PRKCB: variants seen among roughly 807,000 people sequenced by gnomAD.
PRKCB encodes the protein protein kinase C beta type.
A neutral mutation model predicts 81.5 loss-of-function variants in PRKCB; 13 were observed. The ratio of observed to expected loss-of-function variants is 0.16; its 90% confidence interval spans 0.10 to 0.25. PRKCB has a LOEUF of 0.25. PRKCB is among the 10% of genes least tolerant of loss of function. The probability of loss-of-function intolerance (pLI) is 1.00; values close to 1 mark genes in which losing one functional copy is unlikely to be tolerated. For synonymous variants in PRKCB, 335 were observed against 321.4 expected (o/e 1.04, Z -0.45); for missense variants, 509 against 875.7 (o/e 0.58, Z 5.29).
At chr16:24,141,536 C>T (rs1269350218) in intron 9 of PRKCB, among the ~76,000 whole-genome samples, 1 of 152,168 alleles carries the variant, frequency 6.6e-6, no homozygotes, top group Non-Finnish European at 1.5e-5. Context: ...CCATTCCAGG[C>T]CTCTGGTTAT....
intron 5 of PRKCB, among the ~76,000 whole-genome samples, chr16:24,080,218 G>A (rs1315611199): frequency 6.6e-6 from 1 of 152,132 alleles, no homozygotes; most frequent in Non-Finnish European, 1.5e-5. Flanking sequence ...AATCATATGA[G>A]CAGCTGCTGT....
chr16:24,057,229 C>A (rs1195207717), intron 5 of PRKCB, among the ~76,000 whole-genome samples: 1 of 152,136 alleles, frequency 6.6e-6, no homozygotes, highest in African/African-American at 2.4e-5. Context: ...TTCTTTGGTC[C>A]CATTAGATCC....
At chr16:24,094,809 G>GAGGGAGGAAGGAAGGAAGGA (rs749385454) in intron 7 of PRKCB, among the ~76,000 whole-genome samples, 1 of 116,648 alleles carries the variant, frequency 8.6e-6, no homozygotes, top group African/African-American at 3.3e-5. Flanking sequence ...GGAAGGGAGG[G>GAGGGAGGAAGGAAGGAAGGA]AGGAAGGAAG....
intron 2 of PRKCB, among the ~76,000 whole-genome samples, chr16:23,981,417 T>A (rs1410631757): frequency 2.0e-5 from 3 of 151,886 alleles, no homozygotes; most frequent in Non-Finnish European, 2.9e-5. Context: ...CTTAATTTAA[T>A]CACATCTGCA....
intron 4 of PRKCB, among the ~76,000 whole-genome samples, chr16:24,034,876 C>T (rs1219119129): frequency 6.6e-6 from 1 of 152,224 alleles, no homozygotes; most frequent in African/African-American, 2.4e-5. Context: ...AACTTCTCCC[C>T]ACAAGAGCAC....
At chr16:24,067,139 A>G (rs1596534811) in intron 5 of PRKCB, among the ~76,000 whole-genome samples, 1 of 152,180 alleles carries the variant, frequency 6.6e-6, no homozygotes, top group African/African-American at 2.4e-5. Flanking sequence ...GGTGTGAGCC[A>G]CTGTACCCAG....
At chr16:24,052,661 G>A (rs1965857611) in intron 5 of PRKCB, among the ~76,000 whole-genome samples, 1 of 152,298 alleles carries the variant, frequency 6.6e-6, no homozygotes, top group Admixed American at 6.5e-5. Context: ...AAACTGTCAT[G>A]GCGCTGCTGG....
intron 2 of PRKCB, among the ~76,000 whole-genome samples, chr16:23,903,594 C>A (rs1004186): frequency 0.96 from 146,720 of 152,280 alleles, 70,719 homozygotes; most frequent in East Asian, 1. Context: ...TATTAAAATA[C>A]GCTTTTAACT....
intron 2 of PRKCB, among the ~76,000 whole-genome samples, chr16:23,935,949 C>T (rs971968977): frequency 5.3e-5 from 8 of 152,160 alleles, no homozygotes; most frequent in Non-Finnish European, 1.0e-4. Context: ...ATCTGTACAC[C>T]AAACCTCAGC....
At chr16:23,869,252 A>C in intron 2 of PRKCB, 1 of 361,916 alleles carries the variant, frequency 2.8e-6, no homozygotes. Context: ...CTCTGCCACA[A>C]GACCAAGAAA....
chr16:24,051,778 A>C (rs1257985628), intron 5 of PRKCB, among the ~76,000 whole-genome samples: 1 of 152,148 alleles, frequency 6.6e-6, no homozygotes, highest in Non-Finnish European at 1.5e-5. Flanking sequence ...GCTACTCAGG[A>C]GACTGAGGAA....
intron 7 of PRKCB, among the ~76,000 whole-genome samples, chr16:24,094,737 C>G (rs1966417732): frequency 6.7e-6 from 1 of 149,530 alleles, no homozygotes; most frequent in Admixed American, 6.7e-5. Context: ...GATTGAGCCA[C>G]TGCACTCCAG....
intron 4 of PRKCB, among the ~76,000 whole-genome samples, chr16:24,033,758 AAAG>A (rs944374107): frequency 1.1e-4 from 16 of 152,162 alleles, no homozygotes; most frequent in East Asian, 7.7e-4. Context: ...TGAGACTCTC[AAAG>A]AAGAAGAAGA....
At chr16:24,206,531 C>G (rs1275336879) in intron 16 of PRKCB, among the ~76,000 whole-genome samples, 2 of 152,178 alleles carry the variant, frequency 1.3e-5, no homozygotes, top group African/African-American at 4.8e-5. Flanking sequence ...GGAGCCTTAT[C>G]CTCTCCTCCA....
At chr16:23,856,889 G>A (rs1050051834) in intron 2 of PRKCB, among the ~76,000 whole-genome samples, 3 of 152,106 alleles carry the variant, frequency 2.0e-5, no homozygotes, top group African/African-American at 7.2e-5. Flanking sequence ...AATGTAAAAT[G>A]TGTCTCTTAC....
chr16:24,015,599 C>T (rs776484791), intron 3 of PRKCB, among the ~76,000 whole-genome samples: 5 of 152,220 alleles, frequency 3.3e-5, no homozygotes, highest in Non-Finnish European at 7.3e-5. Context: ...AGGTGGCCAT[C>T]GCCTGGTTAC....
chr16:23,964,063 C>T lies in PRKCB; in HGVS notation c.206-24445C>T, dbSNP rs147228270. Among the ~76,000 whole-genome samples, 22 of 152,234 alleles carry T rather than the reference C, an allele frequency of 1.4e-4. No individual in the cohort carries two copies. In the East Asian group the frequency reaches 3.5e-3, roughly 24 times the overall value. On this transcript the variant is annotated intron_variant, in intron 2 of 16. Coordinates refer to ENST00000643927, the MANE Select transcript of PRKCB (RefSeq NM_002738.7). ...GAGGTATGAAGCATCTATAACCCCA[C>T]GGTCCAATAGGGTAGCCACTAGCCA...
chr16:24,146,534 G>A (rs1966993151), intron 9 of PRKCB, among the ~76,000 whole-genome samples: 1 of 152,138 alleles, frequency 6.6e-6, no homozygotes, highest in Admixed American at 6.5e-5. Flanking sequence ...CACGTACCAG[G>A]TTTTCTAACT....
chr16:23,880,121 A>G (rs1376356597), intron 2 of PRKCB, among the ~76,000 whole-genome samples: 1 of 152,130 alleles, frequency 6.6e-6, no homozygotes, highest in East Asian at 1.9e-4. Context: ...CCCCACCCCT[A>G]AGCCAGGCAG....
Sources: gnomAD v4.1 joint callset for allele counts (sites outside exome capture counted in the v4.1 genomes callset) on GRCh38, gnomAD v4.1.1 for gene constraint, MANE v1.5 for transcripts, NCBI Gene and HGNC (gene_info 2026-07-23, HGNC 2026-07-21) for gene names.